The following ZNF503 variants were observed in gnomAD, a reference collection of about 807,000 sequenced individuals.
The protein encoded by ZNF503 is NocA-like zinc finger 2.
ZNF503 carries 15 observed loss-of-function variants against 34.4 expected under a neutral mutation model. The observed-to-expected ratio is 0.44, with a 90% CI of 0.29 to 0.67. The LOEUF (loss-of-function observed/expected upper bound fraction) is 0.67, where lower values mean the gene tolerates loss of function less well. Ranked by LOEUF, ZNF503 falls within the 30% of genes least tolerant of loss-of-function variation. The pLI is 0.13. For synonymous variants in ZNF503, 580 were observed against 456.8 expected (o/e 1.27, Z -3.44); for missense variants, 1,007 against 926.8 (o/e 1.09, Z -1.12).
chr10:75,317,178 A>T, the ZNF503 span, among the ~76,000 whole-genome samples: 2 of 151,462 alleles, frequency 1.3e-5, no homozygotes, highest in African/African-American at 4.9e-5. Flanking sequence ...ATGAGCTCAA[A>T]TGATCCATCT....
the ZNF503 span, among the ~76,000 whole-genome samples, chr10:75,291,875 G>A: frequency 6.6e-6 from 1 of 152,254 alleles, no homozygotes; most frequent in Non-Finnish European, 1.5e-5. Context: ...GTCAGCTGCA[G>A]CTCTGGCTTT....
chr10:75,308,877 C>T, the ZNF503 span, among the ~76,000 whole-genome samples: 7 of 152,170 alleles, frequency 4.6e-5, no homozygotes, highest in East Asian at 3.9e-4. Flanking sequence ...GGTCTCACTC[C>T]GTCACCCAGG....
At chr10:75,396,702 C>A (rs1191378933), downstream of ZNF503, among the ~76,000 whole-genome samples, 1 of 151,948 alleles carries the variant, frequency 6.6e-6, no homozygotes, top group Non-Finnish European at 1.5e-5. The surrounding 1 kb of genome is among the most constrained non-coding windows in gnomAD (Gnocchi z 4.4). Context: ...GTTTGGGGTG[C>A]GCTCTCAGAG....
the ZNF503 span, among the ~76,000 whole-genome samples, chr10:75,369,271 T>C: frequency 1.3e-5 from 2 of 152,228 alleles, no homozygotes; most frequent in African/African-American, 4.8e-5. Context: ...AATTATGTAT[T>C]GTTTTTTGAT....
At chr10:75,331,942 G>A in the ZNF503 span, among the ~76,000 whole-genome samples, 1 of 151,790 alleles carries the variant, frequency 6.6e-6, no homozygotes, top group South Asian at 2.1e-4. Flanking sequence ...TCTTTTTACT[G>A]TTTTTGACTT....
At position 75,399,754 on chromosome 10, in the gene ZNF503, G is replaced by T; in HGVS notation, c.936C>A (p.Gly312=). The change falls in exon 2 of 2, where the codon GGC becomes GGA. Residue 312 remains glycine (G), a synonymous_variant. Coordinates refer to ENST00000372524, the MANE Select transcript of ZNF503 (RefSeq NM_032772.6). ...AGCCGGAGCTGGAGCCCGATGAACC[G>T]CCGCAGTCCGAGCCCAGAGCCTTGC... ...PGGKALGSDC[G]GSSGSSSGSG... 6.3e-7 allele frequency: 1 copy of T among 1,592,448 alleles called. No individual in the cohort carries two copies. The highest frequency in any genetic ancestry group is 1.1e-5 in the South Asian group (1 of 89,528).
At chr10:75,378,609 G>A in the ZNF503 span, among the ~76,000 whole-genome samples, 5 of 152,244 alleles carry the variant, frequency 3.3e-5, no homozygotes, top group East Asian at 9.7e-4. Flanking sequence ...AAGTATGCCT[G>A]TCAATATAAT....
rs921742982 is a variant in ZNF503, at chr10:75,398,483, CT to C, written c.*265del. ...TGAACACTTTCTCAATTATTTTTTCCTTTTTTTTTCTATAAAAAGTCAAATG... is the reference window on the plus strand; with the variant it reads ...TGAACACTTTCTCAATTATTTTTTCCTTTTTTTTCTATAAAAAGTCAAATG... On this transcript the variant is annotated 3_prime_UTR_variant, in exon 2 of 2. Coordinates refer to ENST00000372524, the MANE Select transcript of ZNF503 (RefSeq NM_032772.6). 221 of 356,006 alleles carry C rather than the reference CT, an allele frequency of 6.2e-4. No individual in the cohort carries two copies. Among genetic ancestry groups the C allele is most frequent in the Non-Finnish European group, 8.7e-4 (175 of 200,094 alleles). 22.1% of individuals were successfully genotyped at this position (356,006 alleles called of 1,614,324 possible). A position where few individuals can be genotyped will look rare whatever the true frequency, so the allele number is the denominator to read the frequency against.
rs1564761337 is a variant in ZNF503 at position 75,401,342 on chromosome 10, G to T, written c.78C>A (p.Gly26=). ...SGGGGGGGGG[G]GADPAWTSAL... Reference sequence around the variant, plus strand: ...CGCTGGTCCAGGCAGGGTCTGCACCGCCGCCTCCGCCTCCGCCGCCGCCGC... The same window carrying T: ...CGCTGGTCCAGGCAGGGTCTGCACCTCCGCCTCCGCCTCCGCCGCCGCCGC... The change falls in exon 1 of 2, where the codon GGC becomes GGA. Residue 26 remains glycine, a synonymous_variant. Coordinates refer to ENST00000372524, the MANE Select transcript of ZNF503 (RefSeq NM_032772.6). 24 of 1,538,476 alleles carry T rather than the reference G, an allele frequency of 1.6e-5. No individual in the cohort carries two copies. The highest frequency in any genetic ancestry group is 2.0e-5 in the Admixed American group (1 of 50,996).
At chr10:75,368,177 C>A in the ZNF503 span, among the ~76,000 whole-genome samples, 9 of 152,284 alleles carry the variant, frequency 5.9e-5, no homozygotes, top group African/African-American at 2.2e-4. Flanking sequence ...CTCCATGGTG[C>A]CCTTCAAACC....
At chr10:75,368,398 A>G in the ZNF503 span, among the ~76,000 whole-genome samples, 1 of 152,220 alleles carries the variant, frequency 6.6e-6, no homozygotes, top group Non-Finnish European at 1.5e-5. Context: ...GATCTTTAAC[A>G]TTAAAGATCC....
chr10:75,401,872 G>T, upstream of ZNF503: 1 of 187,508 alleles, frequency 5.3e-6, no homozygotes, highest in South Asian at 1.1e-4. Flanking sequence ...AAGGGGATGT[G>T]ACGCGTCCCG....
At chr10:75,353,893 G>T in the ZNF503 span, among the ~76,000 whole-genome samples, 1 of 152,220 alleles carries the variant, frequency 6.6e-6, no homozygotes, top group Non-Finnish European at 1.5e-5. Flanking sequence ...AGTGGAACAC[G>T]CATGACCACT....
chr10:75,401,810 A>C (rs1843833028), upstream of ZNF503: 2 of 219,326 alleles, frequency 9.1e-6, no homozygotes, highest in Non-Finnish European at 1.8e-5. Flanking sequence ...GGGGGAGATT[A>C]AAGCCTTTGC....
At chr10:75,400,941 C>T (rs1040677318) in intron 1 of ZNF503, 164 bp downstream of exon 1, 2 of 1,064,064 alleles carry the variant, frequency 1.9e-6, no homozygotes, top group East Asian at 2.6e-5. Context: ...CTTCCTCCCC[C>T]TTTTCCGCCC....
chr10:75,314,705 C>T, the ZNF503 span, among the ~76,000 whole-genome samples: 3 of 152,342 alleles, frequency 2.0e-5, no homozygotes, highest in Middle Eastern at 6.8e-3. Flanking sequence ...CTATGAGCAT[C>T]TACCAGCAGA....
the ZNF503 span, among the ~76,000 whole-genome samples, chr10:75,352,068 T>C: frequency 6.6e-6 from 1 of 152,158 alleles, no homozygotes; most frequent in Non-Finnish European, 1.5e-5. Context: ...CACTCCAATA[T>C]TGAAATGCCT....
At chr10:75,366,330 A>G in the ZNF503 span, among the ~76,000 whole-genome samples, 1 of 152,214 alleles carries the variant, frequency 6.6e-6, no homozygotes, top group African/African-American at 2.4e-5. Flanking sequence ...CCAGGGATAC[A>G]GGAGACAAAA....
At chr10:75,388,428 C>T in the ZNF503 span, among the ~76,000 whole-genome samples, 5 of 152,168 alleles carry the variant, frequency 3.3e-5, no homozygotes, top group African/African-American at 1.2e-4. Flanking sequence ...GATTCCAGCA[C>T]ACCACTGGGT....
Sources: gnomAD v4.1 joint callset for allele counts (sites outside exome capture counted in the v4.1 genomes callset) on GRCh38, gnomAD v4.1.1 for gene constraint, Gnocchi (gnomAD v3.1) non-coding constraint, MANE v1.5 for transcripts, NCBI Gene and HGNC (gene_info 2026-07-23, HGNC 2026-07-21) for gene names.